The following FLYWCH1 variants were observed in gnomAD, a reference collection of about 807,000 sequenced individuals.
FLYWCH1 encodes the protein FLYWCH-type zinc finger-containing protein 1.
In FLYWCH1, 75 loss-of-function variants were observed where a neutral mutation model predicts 66.4. That is an observed-to-expected ratio of 1.13 (90% confidence interval 0.94 to 1.37). The LOEUF (loss-of-function observed/expected upper bound fraction) is 1.37. Among genes scored for constraint, FLYWCH1 ranks in the 40% most tolerant of loss-of-function variants. The pLI is 0.00. For synonymous variants in FLYWCH1, 595 were observed against 429.9 expected (o/e 1.38, Z -4.75); for missense variants, 1,334 against 1,001.8 (o/e 1.33, Z -4.48).
Position 2,947,155 on chromosome 16 carries a change from C to T in FLYWCH1, c.2112-1533C>T, listed in dbSNP as rs566263088. Among the ~76,000 whole-genome samples, 4 of 152,090 alleles carry T rather than the reference C, an allele frequency of 2.6e-5. No individual in the cohort carries two copies. In the South Asian group the frequency reaches 6.2e-4, roughly 24 times the overall value. On this transcript the variant is annotated intron_variant, in intron 9 of 9. Coordinates refer to ENST00000253928, the MANE Select transcript of FLYWCH1 (RefSeq NM_001308068.2). ...ATGAAATATTGTCCATAAAAAGGAA[C>T]GAAGTACTGACGCATGCTACAATGA...
At chr16:2,938,911 CT>C (rs986022006) in intron 8 of FLYWCH1, among the ~76,000 whole-genome samples, 14 of 135,076 alleles carry the variant, frequency 1.0e-4, no homozygotes, top group Admixed American at 1.5e-4. Context: ...TGTGCCCAAC[CT>C]TTTTTTTTTC....
At chr16:2,934,033 A>C (rs1373205400) in intron 6 of FLYWCH1, 54 bp downstream of exon 6, 4 of 1,464,760 alleles carry the variant, frequency 2.7e-6, no homozygotes, top group Non-Finnish European at 3.6e-6. Flanking sequence ...GGAGCCCCAC[A>C]CTGCCTTTCC....
chr16:2,938,147 CCT>C, intron 7 of FLYWCH1, 35 bp from the exon 8 acceptor site: 1 of 1,598,200 alleles, frequency 6.3e-7, no homozygotes, highest in Non-Finnish European at 8.5e-7. Flanking sequence ...CACCCAGGCC[CCT>C]GTGGCCCCAC....
chr16:2,924,297 C>G (rs111647488), intron 2 of FLYWCH1, among the ~76,000 whole-genome samples: 2,412 of 151,008 alleles, frequency 0.016, 70 homozygotes, highest in African/African-American at 0.056. Flanking sequence ...GAGCACTGCA[C>G]TCTAGCCTGG....
In FLYWCH1 at chr16:2,941,078, GACAA is replaced by G. The variant is rs1596395733; in HGVS notation, c.2111+992_2111+995del. 2.0e-5 allele frequency among the ~76,000 whole-genome samples: 3 copies of G among 152,272 alleles called. No homozygotes were observed. In the East Asian group the frequency reaches 5.8e-4, roughly 29 times the overall value. ...TGTGCCACTGCACTCCAGCCTAGGT[GACAA>G]ACAAAAACCAAATCAAAAACAGAGA... On this transcript the variant is annotated intron_variant, in intron 9 of 9. Coordinates refer to ENST00000253928, the MANE Select transcript of FLYWCH1 (RefSeq NM_001308068.2).
rs1169425894 is a variant in FLYWCH1 at position 2,911,963 on chromosome 16, G to C, written c.-379G>C. On this transcript the variant is annotated 5_prime_UTR_variant, in exon 1 of 10. Coordinates refer to ENST00000253928, the MANE Select transcript of FLYWCH1 (RefSeq NM_001308068.2). ...CGCGCCTGAGCGTTCCGCAAGGCCG[G>C]CTCCCCGGCGGGGTCGCGCGCGCGG... 1.4e-5 allele frequency: 2 copies of C among 139,512 alleles called. No individual in the cohort carries two copies. Among genetic ancestry groups the C allele is most frequent in the African/African-American group, 5.0e-5 (2 of 39,916 alleles). The allele number at this position is 139,512 out of a possible 1,614,324, so 8.6% of individuals were successfully genotyped here.
intron 8 of FLYWCH1, 159 bp from the exon 9 acceptor site, chr16:2,939,873 G>A (rs916332270): frequency 6.9e-6 from 5 of 723,350 alleles, no homozygotes; most frequent in Non-Finnish European, 1.1e-5. Flanking sequence ...GCTGTTACCT[G>A]GGAAGGTAAT....
intron 3 of FLYWCH1, 65 bp downstream of exon 3, chr16:2,930,075 G>A: frequency 7.3e-7 from 1 of 1,375,604 alleles, no homozygotes; most frequent in South Asian, 1.3e-5. Context: ...AGCAGGCCCT[G>A]TACACCCTGC....
chr16:2,924,939 C>A (rs974332839), intron 2 of FLYWCH1, among the ~76,000 whole-genome samples: 1 of 152,244 alleles, frequency 6.6e-6, no homozygotes, highest in African/African-American at 2.4e-5. Context: ...TCTCTCCTGT[C>A]ACTTCCTGTG....
intron 9 of FLYWCH1, among the ~76,000 whole-genome samples, chr16:2,945,901 G>T (rs1034469448): frequency 3.9e-5 from 6 of 151,950 alleles, no homozygotes; most frequent in African/African-American, 1.5e-4. Context: ...GGAGGCTGAG[G>T]CAGGAGAATG....
intron 6 of FLYWCH1, chr16:2,935,820 G>C (rs945070325): frequency 1.6e-4 from 24 of 152,486 alleles, no homozygotes; most frequent in Admixed American, 1.2e-3. Context: ...CTTCATCGTG[G>C]GGTCATCCTC....
chr16:2,926,407 G>A (rs1256431429), intron 2 of FLYWCH1, among the ~76,000 whole-genome samples: 1 of 152,210 alleles, frequency 6.6e-6, no homozygotes, highest in African/African-American at 2.4e-5. Context: ...GCCCCTGAAA[G>A]CTATGTAATA....
At position 2,934,698 on chromosome 16, in the gene FLYWCH1, C is replaced by T. The variant is rs146280330; in HGVS notation, c.1513+719C>T. On this transcript the variant is annotated intron_variant, in intron 6 of 9. Transcript: ENST00000253928. The stretch of plus-strand genomic sequence containing the variant: ...TTGCCTCATGGCCCTAAAGTTCTCT[C>T]GGACTTGAGAGCTGTGATTGTCTTT... The T allele has an allele frequency of 8.3e-4, 377 of 455,830 alleles. 1 individual carries two copies. The highest frequency in any genetic ancestry group is 6.3e-3 in the African/African-American group (317 of 50,080). The allele number at this position is 455,830 out of a possible 1,614,324, so 28.2% of individuals were successfully genotyped here. A position where few individuals can be genotyped will look rare whatever the true frequency, so the allele number is the denominator to read the frequency against.
At chr16:2,946,169 G>T (rs929599418) in intron 9 of FLYWCH1, among the ~76,000 whole-genome samples, 1 of 152,092 alleles carries the variant, frequency 6.6e-6, no homozygotes, top group African/African-American at 2.4e-5. Context: ...GTTTAAAAAT[G>T]AGTGTAGCCT....
chr16:2,921,452 C>T lies in FLYWCH1; in HGVS notation c.-74+7163C>T, dbSNP rs185571740. 1.3e-4 allele frequency among the ~76,000 whole-genome samples: 20 copies of T among 152,008 alleles called. No individual in the cohort carries two copies. The East Asian group carries it at 3.9e-3, about 29-fold the overall frequency. On this transcript the variant is annotated intron_variant, in intron 2 of 9. Coordinates refer to ENST00000253928, the MANE Select transcript of FLYWCH1 (RefSeq NM_001308068.2). ...AGCTTATAGAGGCATCCATCCGGTGCTTGGGAGGCTGAGGTGGGAGGATCG... is the reference window on the plus strand; with the variant it reads ...AGCTTATAGAGGCATCCATCCGGTGTTTGGGAGGCTGAGGTGGGAGGATCG...
At position 2,950,125 on chromosome 16, in the gene FLYWCH1, G is replaced by A. The variant is rs967584564; in HGVS notation, c.*1398G>A. ...TGTTCTCGCCATTAGCCTGCGTTAC[G>A]CCTAGACTCATCTGCATAAGCCTGG... is the stretch of plus-strand genomic sequence containing the variant. On this transcript the variant is annotated 3_prime_UTR_variant, in exon 10 of 10. Transcript: ENST00000253928. The A allele has an allele frequency of 1.6e-4, 25 of 152,288 alleles. No individual in the cohort carries two copies. Among genetic ancestry groups the A allele is most frequent in the African/African-American group, 5.5e-4 (23 of 41,546 alleles). The allele number at this position is 152,288 out of a possible 1,614,324, so 9.4% of individuals were successfully genotyped here.
In FLYWCH1 at chr16:2,936,067, G is replaced by A. The variant is rs149237386; in HGVS notation, c.1514-1054G>A. ...TGGGATTACAGGTGCACACCACCAC[G>A]CCCAGCTAATTTTTTGTATTTTTTT... On this transcript the variant is annotated intron_variant, in intron 6 of 9. Coordinates refer to ENST00000253928, the MANE Select transcript of FLYWCH1 (RefSeq NM_001308068.2). 1,410 of 245,122 alleles carry A rather than the reference G, an allele frequency of 5.8e-3. 16 individuals carry two copies. Among genetic ancestry groups the A allele is most frequent in the African/African-American group, 0.026 (1,157 of 43,772 alleles). The allele number at this position is 245,122 out of a possible 1,614,324, so 15.2% of individuals were successfully genotyped here.
chr16:2,934,062 CCCCTGG>C, intron 6 of FLYWCH1, 83 bp downstream of exon 6: 1 of 1,410,416 alleles, frequency 7.1e-7, no homozygotes, highest in South Asian at 1.5e-5. Flanking sequence ...GCTGCGGCTC[CCCCTGG>C]CAAACGTCCT....
At chr16:2,941,637 G>A (rs2071265955) in intron 9 of FLYWCH1, among the ~76,000 whole-genome samples, 1 of 151,750 alleles carries the variant, frequency 6.6e-6, no homozygotes, top group African/African-American at 2.4e-5. Flanking sequence ...AGCATTTTGG[G>A]TGGCTAGGGT....
Sources: allele counts gnomAD v4.1 joint callset (sites outside exome capture counted in the v4.1 genomes callset), GRCh38; gene constraint gnomAD v4.1.1; transcripts MANE v1.5; gene names NCBI Gene and HGNC (gene_info 2026-07-23, HGNC 2026-07-21).